The following HDAC8 variants were observed in gnomAD, a reference collection of about 807,000 sequenced individuals.
HDAC8 encodes the protein histone deacetylase 8.
A neutral mutation model predicts 32.2 loss-of-function variants in HDAC8; 1 was observed. That is an observed-to-expected ratio of 0.03 (90% CI 0.01 to 0.15). The LOEUF is 0.15. Among genes scored for constraint, HDAC8 ranks in the 10% least tolerant of loss-of-function variants. The pLI, the probability that HDAC8 is intolerant of heterozygous loss-of-function variation, is 1.00. For missense variants in HDAC8, 117 were observed against 300.0 expected (o/e 0.39, Z 4.51); for synonymous variants, 108 against 113.9 (o/e 0.95, Z 0.33).
chrX:72,552,711 G>A (rs781944770), intron 4 of HDAC8, among the ~76,000 whole-genome samples: 22 of 109,195 alleles, frequency 2.0e-4, no homozygotes, highest in African/African-American at 5.3e-4. Context: ...AGAAGGCTGC[G>A]GCTGCAGTAA....
At chrX:72,546,669 C>T (rs939384219) in intron 4 of HDAC8, among the ~76,000 whole-genome samples, 15 of 110,862 alleles carry the variant, frequency 1.4e-4, no homozygotes, top group African/African-American at 4.9e-4. Flanking sequence ...ACACTGATGA[C>T]AGAAGGCAGA....
intron 9 of HDAC8, among the ~76,000 whole-genome samples, chrX:72,446,965 A>T (rs192083026): frequency 8.9e-6 from 1 of 112,008 alleles, no homozygotes; most frequent in Admixed American, 9.4e-5. Context: ...ACCAACAAAA[A>T]CAGTCCAAGA....
At chrX:72,403,049 T>TGTTTTCTG (rs1277090241) in intron 9 of HDAC8, among the ~76,000 whole-genome samples, 1 of 112,041 alleles carries the variant, frequency 8.9e-6, no homozygotes, top group East Asian at 2.8e-4. Flanking sequence ...ACATAAAGTT[T>TGTTTTCTG]GTTTTCTGTA....
rs545964057 is a variant in HDAC8, at chrX:72,564,715, A to G, written c.437+3174T>C. On this transcript the variant is annotated intron_variant, in intron 4 of 10. Transcript: ENST00000373573. ...TGCAATGCATCCTTTGTAATAGATT[A>G]AATTCTATATAATTGGTCTCTTTGT... 2.1e-4 allele frequency among the ~76,000 whole-genome samples: 24 copies of G among 111,801 alleles called. No individual in the cohort carries two copies. The South Asian group carries it at 8.7e-3, about 41-fold the overall frequency.
At chrX:72,532,249 A>ATTTTTTTTT (rs34829256) in intron 4 of HDAC8, among the ~76,000 whole-genome samples, 7 of 54,192 alleles carry the variant, frequency 1.3e-4, no homozygotes, top group Non-Finnish European at 1.9e-4. Flanking sequence ...CGTGTTGGGC[A>ATTTTTTTTT]TTTTTTTTTT....
intron 4 of HDAC8, among the ~76,000 whole-genome samples, chrX:72,518,797 C>G (rs2049888620): frequency 8.9e-6 from 1 of 112,029 alleles, no homozygotes; most frequent in Non-Finnish European, 1.9e-5. Context: ...TTTACTGTCT[C>G]TATAGTTTTG....
At chrX:72,457,589 C>A (rs1395955644) in intron 9 of HDAC8, among the ~76,000 whole-genome samples, 1 of 111,706 alleles carries the variant, frequency 9.0e-6, no homozygotes, top group Non-Finnish European at 1.9e-5. Flanking sequence ...AATGAAAATA[C>A]CATTTACATA....
chrX:72,455,849 A>G (rs782343988), intron 9 of HDAC8, among the ~76,000 whole-genome samples: 2 of 112,175 alleles, frequency 1.8e-5, no homozygotes, highest in East Asian at 5.6e-4. Flanking sequence ...AAGATGGGTC[A>G]AATATCCACT....
intron 4 of HDAC8, among the ~76,000 whole-genome samples, chrX:72,519,242 C>T (rs1453981351): frequency 2.7e-5 from 3 of 112,105 alleles, no homozygotes; most frequent in African/African-American, 6.5e-5. Flanking sequence ...CACTTTTTGG[C>T]TATAATGAAT....
intron 9 of HDAC8, among the ~76,000 whole-genome samples, chrX:72,367,382 A>G (rs781790844): frequency 8.9e-6 from 1 of 112,079 alleles, no homozygotes; most frequent in South Asian, 3.8e-4. Flanking sequence ...TTCCACCAAC[A>G]CTTAATTCTT....
intron 4 of HDAC8, among the ~76,000 whole-genome samples, chrX:72,553,598 G>A (rs1275265245): frequency 9.0e-6 from 1 of 111,592 alleles, no homozygotes; most frequent in African/African-American, 3.3e-5. Context: ...ATTGGTAGGA[G>A]GGAAAAATAT....
chrX:72,373,612 A>G (rs1423952921), intron 9 of HDAC8, among the ~76,000 whole-genome samples: 3 of 112,190 alleles, frequency 2.7e-5, no homozygotes, highest in African/African-American at 6.5e-5. Context: ...TTATCAGTTG[A>G]TGGACATTTG....
intron 4 of HDAC8, among the ~76,000 whole-genome samples, chrX:72,566,315 A>T (rs1172352026): frequency 3.6e-5 from 4 of 111,317 alleles, no homozygotes; most frequent in African/African-American, 1.3e-4. Flanking sequence ...AAAAACAAAA[A>T]ACAAACAAAC....
At chrX:72,490,849 A>C (rs1190481673) in intron 6 of HDAC8, 80 bp downstream of exon 6, 282 of 792,288 alleles carry the variant, frequency 3.6e-4, no homozygotes, top group Non-Finnish European at 5.1e-4. Context: ...AACAGCATGG[A>C]ACTGTCCAAG....
At chrX:72,536,612 G>A (rs782462362) in intron 4 of HDAC8, among the ~76,000 whole-genome samples, 36 of 111,986 alleles carry the variant, frequency 3.2e-4, no homozygotes, top group South Asian at 1.5e-3. Flanking sequence ...CTAATTGTGG[G>A]AAATCAGAAA....
At chrX:72,365,178 C>T (rs1475547069) in intron 9 of HDAC8, among the ~76,000 whole-genome samples, 1 of 111,834 alleles carries the variant, frequency 8.9e-6, no homozygotes, top group African/African-American at 3.3e-5. Context: ...CTGAAATGCT[C>T]CAGTGAGCAT....
At chrX:72,480,738 T>C (rs1441043413) in intron 7 of HDAC8, among the ~76,000 whole-genome samples, 1 of 111,195 alleles carries the variant, frequency 9.0e-6, no homozygotes, top group East Asian at 2.9e-4. Context: ...AATGAAAGAG[T>C]TCATGTCCTT....
intron 7 of HDAC8, among the ~76,000 whole-genome samples, chrX:72,482,140 G>A (rs1441169723): frequency 1.8e-5 from 2 of 111,583 alleles, no homozygotes; most frequent in Admixed American, 1.9e-4. Flanking sequence ...CATGGATGGA[G>A]AATCTCTACC....
intron 9 of HDAC8, among the ~76,000 whole-genome samples, chrX:72,362,465 T>C (rs1486993508): frequency 5.4e-5 from 6 of 112,099 alleles, no homozygotes; most frequent in South Asian, 3.8e-4. Context: ...TTCATAGCAA[T>C]GCAGATGGAC....
Sources: gnomAD v4.1 joint callset for allele counts (sites outside exome capture counted in the v4.1 genomes callset) on GRCh38, gnomAD v4.1.1 for gene constraint, MANE v1.5 for transcripts, NCBI Gene and HGNC (gene_info 2026-07-23, HGNC 2026-07-21) for gene names.